Variants in IGSF10 observed in about 807,000 individuals in gnomAD.
IGSF10 encodes the protein calvaria mechanical force protein 608.
A neutral mutation model predicts 128.2 loss-of-function variants in IGSF10; 126 were observed. The observed-to-expected ratio is 0.98, with a 90% CI of 0.85 to 1.14. The LOEUF (loss-of-function observed/expected upper bound fraction) is 1.14. Ranked by LOEUF, IGSF10 falls within the 50% of genes most tolerant of loss-of-function variation. The pLI, the probability that IGSF10 is intolerant of heterozygous loss-of-function variation, is 0.00. For missense variants in IGSF10, 3,295 were observed against 3,149.8 expected (o/e 1.05, Z -1.10); for synonymous variants, 1,185 against 1,146.2 (o/e 1.03, Z -0.68).
At chr3:151,502,682 G>C in the IGSF10 span, among the ~76,000 whole-genome samples, 1 of 151,798 alleles carries the variant, frequency 6.6e-6, no homozygotes, top group Non-Finnish European at 1.5e-5. Flanking sequence ...TTTAAGACTT[G>C]AAGTAAGACT....
chr3:151,575,690 G>A, the IGSF10 span, among the ~76,000 whole-genome samples: 72 of 152,250 alleles, frequency 4.7e-4, no homozygotes, highest in African/African-American at 1.6e-3. Flanking sequence ...TGGGTGAGGC[G>A]ATGCCCTACC....
chr3:151,447,266 G>C lies in IGSF10; in HGVS notation c.2715C>G (p.Asp905Glu). The C allele has an allele frequency of 3.7e-6, 6 of 1,614,186 alleles. No individual in the cohort carries two copies. Among genetic ancestry groups the C allele is most frequent in the Non-Finnish European group, 5.1e-6 (6 of 1,180,024 alleles). The change falls in exon 6 of 8, where the codon GAC becomes GAG. Residue 905 changes from aspartate to glutamate, a missense_variant. By Grantham distance (45) the Asp-to-Glu change is conservative (BLOSUM62 2). Coordinates refer to ENST00000282466, the MANE Select transcript of IGSF10 (RefSeq NM_178822.5). Reference protein sequence around the residue: ...PLLLGATEFQDSDQMGRGREH... With the variant: ...PLLLGATEFQESDQMGRGREH... ...CTCTTCCTCTTCCCATCTGGTCAGA[G>C]TCCTGAAATTCAGTTGCTCCAAGTA...
In IGSF10 at chr3:151,437,302, A is replaced by G. The variant is rs145036931; in HGVS notation, c.7259T>C (p.Ile2420Thr). 271 of 1,614,078 alleles carry G rather than the reference A, an allele frequency of 1.7e-4. No homozygotes were observed. Among genetic ancestry groups the G allele is most frequent in the Middle Eastern group, 1.6e-4 (1 of 6,084 alleles). Residue 2420 changes from isoleucine (I) to threonine (T), a missense_variant, in exon 8 of 8, where the codon ATT becomes ACT. By Grantham distance (89) the Ile-to-Thr change is moderately conservative (BLOSUM62 -1). Coordinates refer to ENST00000282466, the MANE Select transcript of IGSF10 (RefSeq NM_178822.5). ...RCAARNKVGYIEKLVILEIGQ... is the reference protein window; with the variant it reads ...RCAARNKVGYTEKLVILEIGQ... ...AATTTCTAATATGACTAATTTCTCAATATAGCCAACTTTATTCCTAGCTGC... is the reference window on the plus strand; with the variant it reads ...AATTTCTAATATGACTAATTTCTCAGTATAGCCAACTTTATTCCTAGCTGC...
Position 151,448,226 on chromosome 3 carries a change from A to C in IGSF10, c.1755T>G (p.Val585=). 7 of 1,614,196 alleles carry C rather than the reference A, an allele frequency of 4.3e-6. No individual in the cohort carries two copies. The highest frequency in any genetic ancestry group is 5.1e-6 in the Non-Finnish European group (6 of 1,180,016). ...GAAGATCAAGTGTTTCACCAATGAA[A>C]ACTGTGTGATGAATCCCATTTTCCT... ...AYQENGIHHT[V]FIGETLDLPC... is the part of the protein sequence containing the mutation. The change falls in exon 6 of 8, where the codon GTT becomes GTG. Residue 585 remains valine (V), a synonymous_variant. Transcript: ENST00000282466.
At position 151,443,180 on chromosome 3, in the gene IGSF10, T is replaced by C. The variant is rs1720960755; in HGVS notation, c.5767A>G (p.Thr1923Ala). ...ATTACTACTCTTCGCTCCGAACCAG[T>C]GGAACTGGTAGCAATGCATTCATAA... ...GTYECIATSS[T>A]GSERRVVMLT... Residue 1923 changes from threonine to alanine, a missense_variant, in exon 7 of 8, where the codon ACT (threonine) becomes GCT (alanine). Thr to Ala is a moderately conservative substitution (Grantham distance 58). Transcript: ENST00000282466. 6.2e-7 allele frequency: 1 copy of C among 1,614,246 alleles called. No individual in the cohort carries two copies. Among genetic ancestry groups the C allele is most frequent in the Admixed American group, 1.7e-5 (1 of 60,034 alleles).
chr3:151,610,049 G>T, the IGSF10 span, among the ~76,000 whole-genome samples: 1 of 152,162 alleles, frequency 6.6e-6, no homozygotes, highest in Non-Finnish European at 1.5e-5. Context: ...GCTGCTATAA[G>T]GAAAGTGGAT....
chr3:151,442,872 CTA>C, intron 7 of IGSF10, 110 bp downstream of exon 7: 1 of 852,616 alleles, frequency 1.2e-6, no homozygotes, highest in South Asian at 2.3e-5. Flanking sequence ...TGTCCAAAGT[CTA>C]TGTGTACTCT....
chr3:151,565,703 T>C, the IGSF10 span, among the ~76,000 whole-genome samples: 1 of 152,112 alleles, frequency 6.6e-6, no homozygotes, highest in Non-Finnish European at 1.5e-5. Context: ...CCTGGAGTTC[T>C]AGTGAGTTAC....
intron 7 of IGSF10, among the ~76,000 whole-genome samples, chr3:151,439,810 C>T (rs1160326372): frequency 6.6e-6 from 1 of 152,180 alleles, no homozygotes; most frequent in Admixed American, 6.5e-5. Flanking sequence ...GATGGCAGAT[C>T]TTTCCTGGTA....
At chr3:151,433,380 A>T (rs1175384127), downstream of IGSF10, 2 of 152,296 alleles carry the variant, frequency 1.3e-5, no homozygotes, top group African/African-American at 4.8e-5. Flanking sequence ...TTTATGTAGG[A>T]CTCTTCTTTG....
Position 151,438,477 on chromosome 3 carries a change from C to T in IGSF10, c.6084G>A (p.Leu2028=). Reference sequence around the variant, plus strand: ...GTTTCAGTCTTAGGCTAACATGCATCAGTATCAGATCATCCCCCATTTTGT... The same window carrying T: ...GTTTCAGTCTTAGGCTAACATGCATTAGTATCAGATCATCCCCCATTTTGT... ...ARNKMGDDLI[L]MHVSLRLKPA... is the part of the protein sequence containing the mutation. The change falls in exon 8 of 8, where the codon CTG becomes CTA. Residue 2028 remains leucine (L), a synonymous_variant. Coordinates refer to ENST00000282466, the MANE Select transcript of IGSF10 (RefSeq NM_178822.5). 1.2e-6 allele frequency: 2 copies of T among 1,614,130 alleles called. No individual in the cohort carries two copies. Among genetic ancestry groups the T allele is most frequent in the Non-Finnish European group, 1.7e-6 (2 of 1,180,026 alleles).
the IGSF10 span, among the ~76,000 whole-genome samples, chr3:151,566,590 C>T: frequency 2.6e-5 from 4 of 152,232 alleles, no homozygotes; most frequent in Non-Finnish European, 5.9e-5. Flanking sequence ...GGAAATCATG[C>T]CAAGAGATAA....
intron 4 of IGSF10, among the ~76,000 whole-genome samples, chr3:151,455,272 G>A (rs1379772834): frequency 1.3e-5 from 2 of 151,804 alleles, no homozygotes; most frequent in African/African-American, 4.8e-5. Context: ...ACCACGCCTG[G>A]CTAATTTTTT....
the IGSF10 span, among the ~76,000 whole-genome samples, chr3:151,607,338 C>T: frequency 6.6e-6 from 1 of 151,976 alleles, no homozygotes; most frequent in South Asian, 2.1e-4. Context: ...TTTGCTAAAC[C>T]TCTGTGCATT....
chr3:151,493,242 A>C, the IGSF10 span, among the ~76,000 whole-genome samples: 10 of 152,328 alleles, frequency 6.6e-5, no homozygotes, highest in South Asian at 2.1e-3. Context: ...TATTGTTAAT[A>C]AAATTATATT....
intron 1 of IGSF10, 48 bp from the exon 2 acceptor site, chr3:151,460,395 T>TAAGG: frequency 1.6e-6 from 1 of 616,908 alleles, no homozygotes. Context: ...AAAGCCTTAT[T>TAAGG]CTTTTTGGCT....
At chr3:151,527,643 G>C in the IGSF10 span, among the ~76,000 whole-genome samples, 4 of 152,154 alleles carry the variant, frequency 2.6e-5, no homozygotes, top group Non-Finnish European at 5.9e-5. Flanking sequence ...AGGAGAAAAA[G>C]CATTGTTTTA....
chr3:151,523,376 T>C, the IGSF10 span, among the ~76,000 whole-genome samples: 6 of 151,912 alleles, frequency 3.9e-5, no homozygotes, highest in Non-Finnish European at 8.8e-5. Context: ...CTAAGTAAAA[T>C]GAACAGAAGC....
chr3:151,443,758 C>T lies in IGSF10; in HGVS notation c.5189G>A (p.Gly1730Asp). The T allele has an allele frequency of 6.2e-7, 1 of 1,614,162 alleles. No individual in the cohort carries two copies. The highest frequency in any genetic ancestry group is 8.5e-7 in the Non-Finnish European group (1 of 1,180,038). The change falls in exon 7 of 8, where the codon GGC becomes GAC. Residue 1730 changes from glycine to aspartate, a missense_variant. By Grantham distance (94) the Gly-to-Asp change is moderately conservative. Coordinates refer to ENST00000282466, the MANE Select transcript of IGSF10 (RefSeq NM_178822.5). ...QYLCSASNLF[G>D]TDHLHVTLSV... is the part of the protein sequence containing the mutation. ...CAAGGTGACATGAAGGTGGTCTGTGCCAAACAGATTGGATGCGGAACACAA... is the reference window on the plus strand; with the variant it reads ...CAAGGTGACATGAAGGTGGTCTGTGTCAAACAGATTGGATGCGGAACACAA...
Sources: allele counts gnomAD v4.1 joint callset (sites outside exome capture counted in the v4.1 genomes callset), GRCh38; gene constraint gnomAD v4.1.1; transcripts MANE v1.5; gene names NCBI Gene and HGNC (gene_info 2026-07-23, HGNC 2026-07-21).